The following TNFAIP8L3 variants were observed in gnomAD, a reference collection of about 807,000 sequenced individuals.
TNFAIP8L3 encodes TNF alpha induced protein 8 like 3.
In TNFAIP8L3, 7 loss-of-function variants were observed where a neutral mutation model predicts 11.8. That is an observed-to-expected ratio of 0.59 (90% CI 0.34 to 1.11). The LOEUF (loss-of-function observed/expected upper bound fraction) is 1.11, where lower values mean the gene tolerates loss of function less well. Ranked by LOEUF, TNFAIP8L3 falls within the 50% of genes most tolerant of loss-of-function variation. The pLI is 0.03. For missense variants in TNFAIP8L3, 219 were observed against 258.6 expected (o/e 0.85, Z 1.05); for synonymous variants, 98 against 103.8 (o/e 0.94, Z 0.34).
chr15:51,100,278 T>C (rs2065541087), intron 1 of TNFAIP8L3, among the ~76,000 whole-genome samples: 1 of 152,220 alleles, frequency 6.6e-6, no homozygotes, highest in African/African-American at 2.4e-5. Context: ...CTGGAGTAGG[T>C]TGAACAATCC....
intron 1 of TNFAIP8L3, among the ~76,000 whole-genome samples, chr15:51,062,546 G>A (rs952205199): frequency 1.3e-5 from 2 of 152,160 alleles, no homozygotes; most frequent in South Asian, 4.1e-4. Context: ...TCAAAACTCT[G>A]TACATGTTGT....
At position 51,059,092 on chromosome 15, in the gene TNFAIP8L3, G is replaced by A. The variant is rs2065225888; in HGVS notation, c.53-649C>T. On this transcript the variant is annotated intron_variant, in intron 1 of 1. Coordinates refer to ENST00000637513, the MANE Select transcript of TNFAIP8L3 (RefSeq NM_001311175.2). ...AAAGTTGTCAGAGATTTGGGAGAAA[G>A]TCAAGAGAAATTTTTGTAAGAAATG... Among the ~76,000 whole-genome samples, 5 of 152,232 alleles carry A rather than the reference G, an allele frequency of 3.3e-5. No individual in the cohort carries two copies. The South Asian group carries it at 1.0e-3, about 32-fold the overall frequency.
chr15:51,086,282 C>G (rs2065426945), intron 1 of TNFAIP8L3, among the ~76,000 whole-genome samples: 1 of 152,268 alleles, frequency 6.6e-6, no homozygotes, highest in Non-Finnish European at 1.5e-5. Context: ...CTTCTAGGGC[C>G]TTCTGCCTAG....
chr15:51,094,759 A>G lies in TNFAIP8L3; in HGVS notation c.-164T>C, dbSNP rs1239335490. The G allele has an allele frequency of 2.3e-6, 2 of 860,144 alleles. No individual in the cohort carries two copies. The highest frequency in any genetic ancestry group is 3.1e-4 in the Admixed American group (2 of 6,372). The allele number at this position is 860,144 out of a possible 1,614,324, so 53.3% of individuals were successfully genotyped here. A position where few individuals can be genotyped will look rare whatever the true frequency, so the allele number is the denominator to read the frequency against. ...GGCAGCGGCCAGGGGGCGGCTCCGC[A>G]GAGGCGAGCGCCGCCGCGCCCCGCT... On this transcript the variant is annotated 5_prime_UTR_variant, in exon 1 of 2. Transcript: ENST00000637513. This position sits in a 1 kb window ranked among gnomAD's most constrained non-coding sequence, Gnocchi z 4.4.
chr15:51,086,376 C>G (rs1194101867), intron 1 of TNFAIP8L3, among the ~76,000 whole-genome samples: 1 of 152,204 alleles, frequency 6.6e-6, no homozygotes, highest in Non-Finnish European at 1.5e-5. Flanking sequence ...TCAGCCAGTC[C>G]TTCCCCATTT....
chr15:51,096,029 A>G (rs79796733), upstream of TNFAIP8L3, among the ~76,000 whole-genome samples: 3,790 of 152,302 alleles, frequency 0.025, 194 homozygotes, highest in African/African-American at 0.088. Context: ...TGGCAAGTTC[A>G]TAGAATTCAA....
intron 1 of TNFAIP8L3, among the ~76,000 whole-genome samples, chr15:51,065,437 A>G (rs1173969757): frequency 1.3e-5 from 2 of 152,236 alleles, no homozygotes; most frequent in African/African-American, 4.8e-5. Context: ...AGAAAACACT[A>G]AGCTCTCCCA....
chr15:51,088,399 T>C (rs2065444702), intron 1 of TNFAIP8L3, among the ~76,000 whole-genome samples: 1 of 152,216 alleles, frequency 6.6e-6, no homozygotes, highest in Admixed American at 6.5e-5. Flanking sequence ...CATTGCCCTA[T>C]GCTCCAAATC....
At chr15:51,061,484 C>T (rs527597016) in intron 1 of TNFAIP8L3, among the ~76,000 whole-genome samples, 1 of 152,050 alleles carries the variant, frequency 6.6e-6, no homozygotes, top group Admixed American at 6.6e-5. Context: ...ACGTAAGTAC[C>T]GTTGTTATAT....
chr15:51,076,186 A>G (rs1452023615), intron 1 of TNFAIP8L3, among the ~76,000 whole-genome samples: 1 of 152,206 alleles, frequency 6.6e-6, no homozygotes, highest in Non-Finnish European at 1.5e-5. Context: ...GTCAAGCCAC[A>G]TTTTTAATAT....
At chr15:51,091,251 C>T (rs1258901146) in intron 1 of TNFAIP8L3, among the ~76,000 whole-genome samples, 1 of 152,216 alleles carries the variant, frequency 6.6e-6, no homozygotes, top group African/African-American at 2.4e-5. Context: ...CCCCACCCTC[C>T]ACTGCAGCGT....
chr15:51,104,917 GCAT>G, intron 1 of TNFAIP8L3: 1 of 1,534,594 alleles, frequency 6.5e-7, no homozygotes, highest in South Asian at 1.1e-5. Flanking sequence ...CCAGCTCTGT[GCAT>G]CCTCAGCTCG....
intron 1 of TNFAIP8L3, chr15:51,104,862 G>C: frequency 1.1e-6 from 1 of 881,454 alleles, no homozygotes; most frequent in East Asian, 2.5e-5. Context: ...TTGATGTGGG[G>C]CACTAAATAA....
At chr15:51,092,144 A>C (rs2065475912) in intron 1 of TNFAIP8L3, among the ~76,000 whole-genome samples, 1 of 152,218 alleles carries the variant, frequency 6.6e-6, no homozygotes, top group South Asian at 2.1e-4. Flanking sequence ...GGGCTTTTTC[A>C]TAAATTCAGG....
At chr15:51,074,658 C>T (rs148815903) in intron 1 of TNFAIP8L3, among the ~76,000 whole-genome samples, 222 of 152,328 alleles carry the variant, frequency 1.5e-3, no homozygotes, top group Admixed American at 0.012. Context: ...TGCCCTAACC[C>T]AACTGGCTGA....
intron 1 of TNFAIP8L3, among the ~76,000 whole-genome samples, chr15:51,076,016 AT>A (rs902467424): frequency 4.7e-5 from 7 of 149,656 alleles, no homozygotes; most frequent in Admixed American, 1.3e-4. Context: ...GTTCTACTTG[AT>A]TTTTTTTTTA....
chr15:51,072,743 C>A (rs12593764), intron 1 of TNFAIP8L3, among the ~76,000 whole-genome samples: 30,894 of 151,868 alleles, frequency 0.2, 3,623 homozygotes, highest in East Asian at 0.44. Flanking sequence ...TTCTATATTG[C>A]ATAGATCTGT....
Position 51,057,108 on chromosome 15 carries a change from T to G in TNFAIP8L3, c.*773A>C, listed in dbSNP as rs964978134. ...TAATTTTAGTAGAGATAGGGTTTCA[T>G]CATGTTGGCCAGGCTGATCTTGAAC... On this transcript the variant is annotated 3_prime_UTR_variant, in exon 2 of 2. Transcript: ENST00000637513. 1.3e-5 allele frequency: 2 copies of G among 152,074 alleles called. No individual in the cohort carries two copies. The highest frequency in any genetic ancestry group is 4.8e-5 in the African/African-American group (2 of 41,378). 9.4% of individuals were successfully genotyped at this position (152,074 alleles called of 1,614,324 possible).
chr15:51,056,731 T>A lies in TNFAIP8L3; in HGVS notation c.*1150A>T, dbSNP rs2065205999. 1 of 151,964 alleles carries A rather than the reference T, an allele frequency of 6.6e-6. No homozygotes were observed. 9.4% of individuals were successfully genotyped at this position (151,964 alleles called of 1,614,324 possible). A position where few individuals can be genotyped will look rare whatever the true frequency, so the allele number is the denominator to read the frequency against. ...CATATGGAATAAAGCCTCCCTGAGC[T>A]CCATGCCCCTTAGATAAGGGAAGGC... On this transcript the variant is annotated 3_prime_UTR_variant, in exon 2 of 2. Coordinates refer to ENST00000637513, the MANE Select transcript of TNFAIP8L3 (RefSeq NM_001311175.2).
Sources: gnomAD v4.1 joint callset for allele counts (sites outside exome capture counted in the v4.1 genomes callset) on GRCh38, gnomAD v4.1.1 for gene constraint, Gnocchi (gnomAD v3.1) non-coding constraint, MANE v1.5 for transcripts, NCBI Gene and HGNC (gene_info 2026-07-23, HGNC 2026-07-21) for gene names.